RADIL: variants seen among roughly 807,000 people sequenced by gnomAD.
RADIL encodes ras-associating and dilute domain-containing protein.
RADIL carries 99 observed loss-of-function variants against 97.6 expected under a neutral mutation model. That is an observed-to-expected ratio of 1.01 (90% CI 0.86 to 1.20). RADIL has a LOEUF of 1.20. RADIL is among the 50% of genes most tolerant of loss of function. The probability of loss-of-function intolerance (pLI) is 0.00; values close to 1 mark genes in which losing one functional copy is unlikely to be tolerated. For missense variants in RADIL, 1,765 were observed against 1,498.9 expected, an observed-to-expected ratio of 1.18 and a Z score of -2.93; for synonymous variants, 803 against 691.8, an observed-to-expected ratio of 1.16 and a Z score of -2.52.
In RADIL at chr7:4,815,032, A is replaced by G. The variant is rs1782641617; in HGVS notation, c.2139+246T>C. On this transcript the variant is annotated intron_variant, in intron 9 of 14. Transcript: ENST00000399583. This position sits in a 1 kb window ranked among gnomAD's most constrained non-coding sequence, Gnocchi z 8.0. The stretch of plus-strand genomic sequence containing the variant: ...TCACACGTACAGAGGCTTCTTTGCC[A>G]TGTGGGGTAATACGGTCACAGGGTA... Among the ~76,000 whole-genome samples the G allele has an allele frequency of 6.6e-6, 1 of 152,188 alleles. No homozygotes were observed. Among genetic ancestry groups the G allele is most frequent in the Non-Finnish European group, 1.5e-5 (1 of 68,026 alleles).
In RADIL at chr7:4,799,737, G is replaced by A. The variant is rs377292982; in HGVS notation, c.3015C>T (p.Ile1005=). ...HTHLGAPGLY[I]QTLLPGSPAA... is the part of the protein sequence containing the mutation. Reference sequence around the variant, plus strand: ...CGGGGCTGCCCGGGAGCAGGGTCTGGATGTAGAGCCCGGGGGCGCCCAGGT... The same window carrying A: ...CGGGGCTGCCCGGGAGCAGGGTCTGAATGTAGAGCCCGGGGGCGCCCAGGT... The change falls in exon 14 of 15, where the codon ATC becomes ATT. Residue 1005 remains isoleucine, a synonymous_variant. Coordinates refer to ENST00000399583, the MANE Select transcript of RADIL (RefSeq NM_018059.5). 1.3e-6 allele frequency: 2 copies of A among 1,557,564 alleles called. No homozygotes were observed. Among genetic ancestry groups the A allele is most frequent in the South Asian group, 1.2e-5 (1 of 85,264 alleles).
At chr7:4,800,032 G>T in intron 13 of RADIL, 139 bp downstream of exon 13, 1 of 1,313,364 alleles carries the variant, frequency 7.6e-7, no homozygotes, top group Non-Finnish European at 1.0e-6. Context: ...TCCCCTCCCA[G>T]CTGCAGAGGC....
chr7:4,836,546 CCGGGGT>C lies in RADIL; in HGVS notation c.589_594del (p.Thr197_Pro198del). The C allele has an allele frequency of 6.2e-7, 1 of 1,607,836 alleles. No individual in the cohort carries two copies. Among genetic ancestry groups the C allele is most frequent in the Non-Finnish European group, 8.5e-7 (1 of 1,179,466 alleles). On this transcript the variant is annotated inframe_deletion, in exon 3 of 15. Transcript: ENST00000399583. ...GGAGAGCTCCGGGCATCCCCCAGGGCCGGGGTCGGGGTTCCCTTCGCGCGACTCCGC... is the reference window on the plus strand; with the variant it reads ...GGAGAGCTCCGGGCATCCCCCAGGGCCGGGGTTCCCTTCGCGCGACTCCGC...
In RADIL at chr7:4,837,218, C is replaced by A. The variant is rs897018314; in HGVS notation, c.536-613G>T. On this transcript the variant is annotated intron_variant, in intron 2 of 14. Transcript: ENST00000399583. The surrounding 1 kb of genome is among the most constrained non-coding windows in gnomAD (Gnocchi z 5.6). The stretch of plus-strand genomic sequence containing the variant: ...CCTGCAGCAGCCCAGGGTCACACCG[C>A]GGCCTGCCCGACCAGCCAGCACCAC... 1.3e-5 allele frequency among the ~76,000 whole-genome samples: 2 copies of A among 152,184 alleles called. No homozygotes were observed. The highest frequency in any genetic ancestry group is 4.8e-5 in the African/African-American group (2 of 41,442).
At chr7:4,851,082 G>A (rs948943113) in intron 2 of RADIL, among the ~76,000 whole-genome samples, 21 of 152,074 alleles carry the variant, frequency 1.4e-4, no homozygotes, top group South Asian at 4.2e-4. Context: ...GCACACACCC[G>A]TAATCCCAGC....
chr7:4,800,246 C>G lies in RADIL; in HGVS notation c.2907G>C (p.Glu969Asp). 3 of 1,587,168 alleles carry G rather than the reference C, an allele frequency of 1.9e-6. No homozygotes were observed. Among genetic ancestry groups the G allele is most frequent in the Non-Finnish European group, 2.6e-6 (3 of 1,168,904 alleles). ...PAPSSRSSST[E>D]DFCYVFTVEL... is the part of the protein sequence containing the mutation. ...CCACCGTGAAGACGTAGCAGAAGTC[C>G]TCGGTGCTGGAGCTGCGGCTGGACG... The change falls in exon 13 of 15, where the codon GAG becomes GAC. Residue 969 changes from glutamate to aspartate, a missense_variant. Physicochemically the swap from Glu to Asp is conservative, Grantham distance 45 (BLOSUM62 2). Coordinates refer to ENST00000399583, the MANE Select transcript of RADIL (RefSeq NM_018059.5).
chr7:4,882,589 A>G (rs1438738854), intron 1 of RADIL, among the ~76,000 whole-genome samples: 1 of 152,198 alleles, frequency 6.6e-6, no homozygotes, highest in Non-Finnish European at 1.5e-5. Context: ...CAACAGGACA[A>G]TGTGGAACCC....
rs546881268 is a variant in RADIL at position 4,838,976 on chromosome 7, C to A, written c.536-2371G>T. ...ACGTGCACACGTGCACACGTACATT[C>A]AGCACCGCTTGAGTTAGCAAAGCCC... On this transcript the variant is annotated intron_variant, in intron 2 of 14. Coordinates refer to ENST00000399583, the MANE Select transcript of RADIL (RefSeq NM_018059.5). Among the ~76,000 whole-genome samples, 230 of 152,384 alleles carry A rather than the reference C, an allele frequency of 1.5e-3. 1 individual carries two copies. Among genetic ancestry groups the A allele is most frequent in the African/African-American group, 5.4e-3 (224 of 41,600 alleles).
At position 4,798,362 on chromosome 7, in the gene RADIL, C is replaced by T. The variant is rs1583251188; in HGVS notation, c.*1016G>A. 1 of 152,336 alleles carries T rather than the reference C, an allele frequency of 6.6e-6. No homozygotes were observed. The highest frequency in any genetic ancestry group is 1.9e-4 in the East Asian group (1 of 5,172). The allele number at this position is 152,336 out of a possible 1,614,324, so 9.4% of individuals were successfully genotyped here. On this transcript the variant is annotated 3_prime_UTR_variant, in exon 15 of 15. Transcript: ENST00000399583. ...ACCGATCTGGGGACCCCGCACAGAC[C>T]TCTGTCCCAGTGAGAGGTGCATCTG...
chr7:4,828,417 C>CA (rs1783055163), intron 5 of RADIL, among the ~76,000 whole-genome samples: 1 of 152,200 alleles, frequency 6.6e-6, no homozygotes, highest in South Asian at 2.1e-4. Flanking sequence ...GAGGTCGCGC[C>CA]AATGCGCTCC....
chr7:4,799,147 GAA>G lies in RADIL; in HGVS notation c.*229_*230del, dbSNP rs533925122. On this transcript the variant is annotated 3_prime_UTR_variant, in exon 15 of 15. Coordinates refer to ENST00000399583, the MANE Select transcript of RADIL (RefSeq NM_018059.5). ...GTTTATTGAACCGTACTTCTCCATT[GAA>G]GTCTTTAAACATAAAAGCTCTGTAA... 1.1e-3 allele frequency: 611 copies of G among 560,438 alleles called. 6 individuals carry two copies. Among genetic ancestry groups the G allele is most frequent in the African/African-American group, 0.01 (555 of 53,082 alleles). The allele number at this position is 560,438 out of a possible 1,614,324, so 34.7% of individuals were successfully genotyped here.
intron 10 of RADIL, chr7:4,804,091 G>A (rs1467156344): frequency 8.3e-6 from 3 of 359,816 alleles, no homozygotes; most frequent in East Asian, 1.2e-4. Flanking sequence ...GGTAACTGGA[G>A]CTCCCCCAGC....
chr7:4,807,554 CT>C (rs1782356341), intron 9 of RADIL, among the ~76,000 whole-genome samples: 1 of 118,138 alleles, frequency 8.5e-6, no homozygotes, highest in Non-Finnish European at 1.8e-5. Context: ...TCTGTCTCCC[CT>C]CCCTCCTCCC....
At chr7:4,799,827 G>C (rs2115148571) in intron 13 of RADIL, 58 bp from the exon 14 acceptor site, 1 of 1,445,338 alleles carries the variant, frequency 6.9e-7, no homozygotes, top group Non-Finnish European at 9.1e-7. Flanking sequence ...CCCCAGCGAG[G>C]ACCACTGCAG....
intron 9 of RADIL, chr7:4,808,518 A>G (rs943430382): frequency 3.2e-6 from 3 of 936,998 alleles, no homozygotes; most frequent in Non-Finnish European, 1.3e-6. Flanking sequence ...TCACGTTTTT[A>G]AAGGGTTTGA....
In RADIL at chr7:4,835,379, C is replaced by T; in HGVS notation, c.784-140G>A. 9.0e-7 allele frequency: 1 copy of T among 1,112,276 alleles called. No individual in the cohort carries two copies. The highest frequency in any genetic ancestry group is 1.3e-6 in the Non-Finnish European group (1 of 786,488). 68.9% of individuals were successfully genotyped at this position (1,112,276 alleles called of 1,614,324 possible). On this transcript the variant is annotated intron_variant, in intron 3 of 14. Transcript: ENST00000399583. The surrounding 1 kb of genome is among the most constrained non-coding windows in gnomAD (Gnocchi z 5.8). ...CTCTCCATGTCCCTGGCCACCCCCACACCAGAACCCCGACGGCTCTCAGGA... is the reference window on the plus strand; with the variant it reads ...CTCTCCATGTCCCTGGCCACCCCCATACCAGAACCCCGACGGCTCTCAGGA...
At chr7:4,805,410 G>A (rs968656796) in intron 10 of RADIL, 156 bp downstream of exon 10, 31 of 796,920 alleles carry the variant, frequency 3.9e-5, no homozygotes, top group East Asian at 1.2e-4. Flanking sequence ...GGGGCGGGGC[G>A]GGGGGGTCCT....
chr7:4,827,458 A>G (rs60797660), intron 5 of RADIL, among the ~76,000 whole-genome samples: 2,021 of 151,678 alleles, frequency 0.013, 40 homozygotes, highest in African/African-American at 0.047. Context: ...TCAGGCGATC[A>G]AGACCATCCT....
intron 2 of RADIL, among the ~76,000 whole-genome samples, chr7:4,874,779 CGG>C (rs1784331903): frequency 6.6e-6 from 1 of 152,196 alleles, no homozygotes; most frequent in South Asian, 2.1e-4. Context: ...TGAGCTTGGC[CGG>C]GTGTGGTGGC....
Sources: gnomAD v4.1 joint callset for allele counts (sites outside exome capture counted in the v4.1 genomes callset) on GRCh38, gnomAD v4.1.1 for gene constraint, Gnocchi (gnomAD v3.1) non-coding constraint, MANE v1.5 for transcripts, NCBI Gene and HGNC (gene_info 2026-07-23, HGNC 2026-07-21) for gene names.